PASD1: variants seen among roughly 807,000 people sequenced by gnomAD.
The protein encoded by PASD1 is circadian clock protein PASD1.
Under a neutral mutation model 58.8 loss-of-function variants are expected in PASD1, and 13 were observed. The observed-to-expected ratio is 0.22, with a 90% CI of 0.14 to 0.35. PASD1 has a LOEUF of 0.35. Among genes scored for constraint, PASD1 ranks in the 10% least tolerant of loss-of-function variants. The pLI is 1.00. For missense variants in PASD1, 734 were observed against 568.3 expected (o/e 1.29, Z -2.96); for synonymous variants, 236 against 216.7 (o/e 1.09, Z -0.78).
intron 3 of PASD1, among the ~76,000 whole-genome samples, chrX:151,606,320 C>G (rs974859796): frequency 5.4e-5 from 6 of 111,981 alleles, no homozygotes; most frequent in Non-Finnish European, 1.1e-4. Context: ...TCTTCACTTT[C>G]CAGTTTCATT....
intron 1 of PASD1, among the ~76,000 whole-genome samples, chrX:151,594,610 G>A (rs1338696048): frequency 2.7e-5 from 3 of 111,573 alleles, no homozygotes; most frequent in African/African-American, 9.8e-5. Context: ...TCATTGTCAC[G>A]GGTTTTACTT....
At chrX:151,656,951 A>G (rs2014250485) in intron 9 of PASD1, among the ~76,000 whole-genome samples, 1 of 111,627 alleles carries the variant, frequency 9.0e-6, no homozygotes, top group Non-Finnish European at 1.9e-5. Flanking sequence ...TCAAAGGGAA[A>G]GCCTCCGGTT....
intron 1 of PASD1, among the ~76,000 whole-genome samples, chrX:151,570,028 T>G (rs145620492): frequency 0.027 from 3,044 of 111,628 alleles, 106 homozygotes; most frequent in African/African-American, 0.093. Context: ...GACATAGCCC[T>G]TTTTAAAAAA....
chrX:151,573,684 A>G (rs1349112125), intron 1 of PASD1, among the ~76,000 whole-genome samples: 1 of 112,526 alleles, frequency 8.9e-6, no homozygotes, highest in Non-Finnish European at 1.9e-5. Context: ...AAGTAAAGAT[A>G]TAGGGAAGGA....
intron 3 of PASD1, among the ~76,000 whole-genome samples, chrX:151,609,094 G>A (rs912859367): frequency 5.5e-5 from 6 of 110,010 alleles, no homozygotes; most frequent in African/African-American, 2.0e-4. Flanking sequence ...ACTTTTTGGG[G>A]TTCATTTTTT....
chrX:151,610,490 T>A (rs1248418078), intron 3 of PASD1, among the ~76,000 whole-genome samples: 1 of 112,123 alleles, frequency 8.9e-6, no homozygotes, highest in African/African-American at 3.2e-5. Context: ...TTATTTTGTA[T>A]TCTGTATCTG....
rs1261996404 is a variant in PASD1, at chrX:151,568,000, C to T, written c.-28+4161C>T. 2.7e-5 allele frequency among the ~76,000 whole-genome samples: 3 copies of T among 112,230 alleles called. No individual in the cohort carries two copies. In the Admixed American group the frequency reaches 2.8e-4, roughly 11 times the overall value. ...TCGGCCTCCCAAAGTTCTGGGATTA[C>T]AGGTGTGAGCCACCACGCCCGAACA... On this transcript the variant is annotated intron_variant, in intron 1 of 15. Transcript: ENST00000370357.
At chrX:151,662,367 G>T (rs1197484188) in intron 10 of PASD1, among the ~76,000 whole-genome samples, 2 of 109,892 alleles carry the variant, frequency 1.8e-5, no homozygotes, top group African/African-American at 6.6e-5. Flanking sequence ...TATCATGTCT[G>T]CATCTTTTTT....
intron 9 of PASD1, among the ~76,000 whole-genome samples, chrX:151,656,788 A>G (rs1256931452): frequency 8.9e-6 from 1 of 111,853 alleles, no homozygotes; most frequent in African/African-American, 3.2e-5. Context: ...TAAATATACA[A>G]TCATGTCATC....
At position 151,672,351 on chromosome X, in the gene PASD1, A is replaced by T; in HGVS notation, c.1606A>T (p.Arg536Trp). The T allele has an allele frequency of 8.4e-7, 1 of 1,189,787 alleles. No homozygotes were observed. The highest frequency in any genetic ancestry group is 1.1e-6 in the Non-Finnish European group (1 of 884,553). ...GGAGAAGAAGAAGCTGCAGGAGCAG[A>T]GGCGGCAAAAGAAGAAGAAGCTACA... ...MQEKKKLQEQ[R>W]RQKKKKLQER... Residue 536 changes from arginine to tryptophan, a missense_variant, in exon 14 of 16, where the codon AGG becomes TGG. Physicochemically the swap from Arg to Trp is moderately radical, Grantham distance 101. Coordinates refer to ENST00000370357, the MANE Select transcript of PASD1 (RefSeq NM_173493.3).
intron 8 of PASD1, among the ~76,000 whole-genome samples, chrX:151,635,196 T>C (rs1322999206): frequency 9.0e-6 from 1 of 111,357 alleles, no homozygotes; most frequent in Non-Finnish European, 1.9e-5. Flanking sequence ...CACAAGACTT[T>C]TCAGGTTCAT....
At chrX:151,656,335 C>T (rs747803286) in intron 9 of PASD1, among the ~76,000 whole-genome samples, 6 of 111,227 alleles carry the variant, frequency 5.4e-5, no homozygotes, top group South Asian at 7.7e-4. Context: ...CTTGGCAATG[C>T]GGGCTCTTTT....
chrX:151,572,098 C>T (rs903726998), intron 1 of PASD1, among the ~76,000 whole-genome samples: 2 of 111,531 alleles, frequency 1.8e-5, no homozygotes, highest in South Asian at 3.7e-4. Flanking sequence ...CCTGACCTGA[C>T]GACTTTGATT....
intron 1 of PASD1, among the ~76,000 whole-genome samples, chrX:151,586,273 A>G (rs923996285): frequency 1.8e-5 from 2 of 112,445 alleles, no homozygotes; most frequent in Admixed American, 1.9e-4. Flanking sequence ...GGCCTCCAAA[A>G]TAGTTTAGAG....
At chrX:151,572,893 G>A (rs2012945626) in intron 1 of PASD1, among the ~76,000 whole-genome samples, 1 of 105,286 alleles carries the variant, frequency 9.5e-6, no homozygotes, top group South Asian at 4.5e-4. Flanking sequence ...TTAACTAACA[G>A]TTCTTTAGGT....
intron 8 of PASD1, among the ~76,000 whole-genome samples, chrX:151,636,011 C>A (rs149115534): frequency 5.8e-3 from 648 of 111,334 alleles, no homozygotes; most frequent in Non-Finnish European, 8.6e-3. Context: ...ATTTTTACTT[C>A]TTAATTAAAA....
intron 1 of PASD1, among the ~76,000 whole-genome samples, chrX:151,564,099 C>T (rs771283743): frequency 4.3e-4 from 49 of 113,044 alleles, no homozygotes; most frequent in African/African-American, 1.5e-3. Context: ...TGGGCACCAT[C>T]GTAGGTGCAC....
intron 1 of PASD1, among the ~76,000 whole-genome samples, chrX:151,592,161 CTTGTGAAG>C (rs1321898884): frequency 5.4e-5 from 6 of 111,722 alleles, no homozygotes; most frequent in African/African-American, 2.0e-4. Flanking sequence ...TTGTAATTAA[CTTGTGAAG>C]TTACATAGAA....
chrX:151,650,011 G>T (rs187103541), intron 9 of PASD1, among the ~76,000 whole-genome samples: 1 of 112,297 alleles, frequency 8.9e-6, no homozygotes, highest in African/African-American at 3.2e-5. Flanking sequence ...TCTCCATTCC[G>T]AATAAGTACC....
Sources: gnomAD v4.1 joint callset for allele counts (sites outside exome capture counted in the v4.1 genomes callset) on GRCh38, gnomAD v4.1.1 for gene constraint, MANE v1.5 for transcripts, NCBI Gene and HGNC (gene_info 2026-07-23, HGNC 2026-07-21) for gene names.